Variants in ASIC2 observed in about 807,000 individuals in gnomAD.
ASIC2 encodes the protein acid-sensing ion channel 2.
A neutral mutation model predicts 57.3 loss-of-function variants in ASIC2; 25 were observed. The ratio of observed to expected loss-of-function variants is 0.44; its 90% CI spans 0.32 to 0.61. The LOEUF is 0.61. Ranked by LOEUF, ASIC2 falls within the 20% of genes least tolerant of loss-of-function variation. The probability of loss-of-function intolerance (pLI) is 0.06; values close to 1 mark genes in which losing one functional copy is unlikely to be tolerated. For missense variants in ASIC2, 641 were observed against 738.1 expected (o/e 0.87, Z 1.52); for synonymous variants, 319 against 307.5 (o/e 1.04, Z -0.39).
chr17:33,882,951 C>G (rs1047545375), intron 1 of ASIC2, among the ~76,000 whole-genome samples: 53 of 152,108 alleles, frequency 3.5e-4, no homozygotes, highest in African/African-American at 1.3e-3. Context: ...GAGTTCATGT[C>G]CTTTGTAGGG....
chr17:33,254,837 T>TCCCCACAC (rs1176810880), intron 1 of ASIC2, among the ~76,000 whole-genome samples: 2 of 151,964 alleles, frequency 1.3e-5, no homozygotes, highest in African/African-American at 2.4e-5. Flanking sequence ...TGTTAACTAA[T>TCCCCACAC]CCCCACACAG....
In ASIC2 at chr17:33,888,607, G is replaced by T. The variant is rs768727058; in HGVS notation, c.555+267371C>A. 1.7e-3 allele frequency among the ~76,000 whole-genome samples: 264 copies of T among 152,268 alleles called. 5 individuals are homozygous for T. Among genetic ancestry groups the T allele is most frequent in the Non-Finnish European group, 3.0e-3 (202 of 68,020 alleles). The stretch of plus-strand genomic sequence containing the variant: ...AAATGTGATGCTGGCAGGGACCGGG[G>T]TGTGGTGAGACTGCTTTAGAAGAAC... On this transcript the variant is annotated intron_variant, in intron 1 of 9. Coordinates refer to the ASIC2 transcript ENST00000359872.
intron 1 of ASIC2, among the ~76,000 whole-genome samples, chr17:33,985,153 G>A (rs1042006565): frequency 2.0e-5 from 3 of 152,146 alleles, no homozygotes; most frequent in African/African-American, 7.2e-5. Flanking sequence ...AGGCATGGAG[G>A]GATGTGAGTA....
intron 1 of ASIC2, among the ~76,000 whole-genome samples, chr17:33,332,386 T>C (rs575665404): frequency 6.6e-6 from 1 of 152,302 alleles, no homozygotes; most frequent in African/African-American, 2.4e-5. Context: ...CAACGTGTAA[T>C]AAACAAAAAA....
intron 1 of ASIC2, among the ~76,000 whole-genome samples, chr17:33,641,705 A>T (rs1906570288): frequency 2.0e-5 from 3 of 152,192 alleles, no homozygotes. Context: ...CCTTGAAGAT[A>T]CCAAAACCTC....
chr17:33,537,919 C>T lies in ASIC2; in HGVS notation c.556-425852G>A, dbSNP rs75946409. ...TTAGCCTAAAGCCTCTTTGTTAGGG[C>T]ACCAGAGAAAGCTAATCCCTATCTA... On this transcript the variant is annotated intron_variant, in intron 1 of 9. Transcript: ENST00000359872. Among the ~76,000 whole-genome samples the T allele has an allele frequency of 8.0e-3, 1,216 of 152,290 alleles. 10 individuals are homozygous for T. The highest frequency in any genetic ancestry group is 0.013 in the Non-Finnish European group (893 of 68,024).
chr17:33,157,020 CG>C (rs1333166922), intron 1 of ASIC2, among the ~76,000 whole-genome samples: 1 of 151,970 alleles, frequency 6.6e-6, no homozygotes, highest in Non-Finnish European at 1.5e-5. Context: ...CTGGGAGCAG[CG>C]GGGGTCCCAG....
chr17:33,174,611 C>T (rs1019209905), intron 1 of ASIC2, among the ~76,000 whole-genome samples: 1 of 152,130 alleles, frequency 6.6e-6, no homozygotes, highest in Admixed American at 6.5e-5. Flanking sequence ...CAGATCTGCT[C>T]CTCCTCCCAG....
intron 1 of ASIC2, among the ~76,000 whole-genome samples, chr17:33,606,781 G>T (rs1259996069): frequency 6.6e-6 from 1 of 152,176 alleles, no homozygotes; most frequent in Non-Finnish European, 1.5e-5. Context: ...AAGGAGGAGG[G>T]TATATACCAA....
chr17:33,055,509 G>A (rs1019133651), intron 3 of ASIC2, among the ~76,000 whole-genome samples: 2 of 152,038 alleles, frequency 1.3e-5, no homozygotes, highest in Non-Finnish European at 2.9e-5. Flanking sequence ...GCCTCTTCCC[G>A]AAAGCTTTTC....
At chr17:33,381,670 G>C (rs1024953251) in intron 1 of ASIC2, among the ~76,000 whole-genome samples, 5 of 152,176 alleles carry the variant, frequency 3.3e-5, no homozygotes, top group African/African-American at 9.7e-5. Flanking sequence ...AGTATAGAAA[G>C]AGCTGCTCAT....
intron 3 of ASIC2, among the ~76,000 whole-genome samples, chr17:33,082,848 A>G (rs1204271924): frequency 1.3e-5 from 2 of 152,146 alleles, no homozygotes; most frequent in Admixed American, 6.5e-5. Context: ...AGTTTCACAT[A>G]TATTTACTCA....
chr17:33,025,836 A>G (rs764889544), intron 5 of ASIC2, 90 bp downstream of exon 5: 4 of 1,302,588 alleles, frequency 3.1e-6, no homozygotes, highest in Non-Finnish European at 4.2e-6. Flanking sequence ...TCCTTCTTCC[A>G]CTTGATCTTT....
chr17:33,384,873 A>T (rs1467381678), intron 1 of ASIC2, among the ~76,000 whole-genome samples: 1 of 152,190 alleles, frequency 6.6e-6, no homozygotes, highest in African/African-American at 2.4e-5. Flanking sequence ...TGGGTCTCAT[A>T]TGCCCAATGC....
At chr17:33,634,521 T>C (rs910288250) in intron 1 of ASIC2, among the ~76,000 whole-genome samples, 3 of 146,198 alleles carry the variant, frequency 2.1e-5, no homozygotes, top group East Asian at 2.0e-4. Flanking sequence ...TTTCTTTTTT[T>C]TTTTTTTTTT....
At chr17:34,059,145 T>C (rs1248588904) in intron 1 of ASIC2, among the ~76,000 whole-genome samples, 2 of 152,184 alleles carry the variant, frequency 1.3e-5, no homozygotes, top group South Asian at 4.1e-4. Flanking sequence ...GGACTGCTCC[T>C]GCAGGACCTG....
intron 1 of ASIC2, among the ~76,000 whole-genome samples, chr17:34,135,550 AT>A (rs923761736): frequency 1.3e-5 from 2 of 152,040 alleles, no homozygotes; most frequent in Non-Finnish European, 2.9e-5. Context: ...AGACATCTGT[AT>A]TTTTTTACAG....
chr17:33,108,552 C>G (rs2092244260), intron 2 of ASIC2, among the ~76,000 whole-genome samples: 1 of 152,182 alleles, frequency 6.6e-6, no homozygotes, highest in Non-Finnish European at 1.5e-5. Context: ...ACAAGCATCT[C>G]TCACCTGCGA....
intron 1 of ASIC2, among the ~76,000 whole-genome samples, chr17:33,982,494 A>G (rs939537674): frequency 2.0e-5 from 3 of 152,158 alleles, no homozygotes; most frequent in African/African-American, 7.2e-5. Context: ...GTCAGATCTG[A>G]GTCCAGCGTT....
Sources: allele counts gnomAD v4.1 joint callset (sites outside exome capture counted in the v4.1 genomes callset), GRCh38; gene constraint gnomAD v4.1.1; transcripts MANE v1.5; gene names NCBI Gene and HGNC (gene_info 2026-07-23, HGNC 2026-07-21).